FHIT: variants seen among roughly 807,000 people sequenced by gnomAD.
FHIT encodes the protein fragile histidine triad diadenosine triphosphatase.
A neutral mutation model predicts 17.9 loss-of-function variants in FHIT; 19 were observed. The observed-to-expected ratio is 1.06, with a 90% CI of 0.74 to 1.56. The LOEUF is 1.56. Ranked by LOEUF, FHIT falls within the 40% of genes most tolerant of loss-of-function variation. The pLI is 0.00. For missense variants in FHIT, 248 were observed against 189.2 expected, an observed-to-expected ratio of 1.31 and a Z score of -1.82; for synonymous variants, 81 against 69.7, an observed-to-expected ratio of 1.16 and a Z score of -0.81.
intron 4 of FHIT, among the ~76,000 whole-genome samples, chr3:60,794,189 CTATT>C (rs1486180136): frequency 2.0e-4 from 31 of 152,188 alleles, no homozygotes; most frequent in African/African-American, 7.5e-4. Context: ...TACTATGTAT[CTATT>C]TAAACATTCT....
chr3:61,105,863 C>T (rs2035974851), intron 2 of FHIT, among the ~76,000 whole-genome samples: 1 of 152,352 alleles, frequency 6.6e-6, no homozygotes, highest in South Asian at 2.1e-4. Context: ...AAGACGCTTT[C>T]AGCCTCCAGC....
At chr3:59,862,025 AC>A (rs906625366) in intron 8 of FHIT, among the ~76,000 whole-genome samples, 3 of 151,416 alleles carry the variant, frequency 2.0e-5, no homozygotes, top group African/African-American at 7.3e-5. Context: ...AAAAAAAAAA[AC>A]CTGTAACTGA....
At chr3:60,876,976 A>G (rs1167103318) in intron 3 of FHIT, among the ~76,000 whole-genome samples, 1 of 152,142 alleles carries the variant, frequency 6.6e-6, no homozygotes, top group African/African-American at 2.4e-5. Flanking sequence ...CTTTCCCTAT[A>G]GGAAAAAGGC....
intron 5 of FHIT, among the ~76,000 whole-genome samples, chr3:60,282,915 A>T (rs1707529913): frequency 1.3e-5 from 2 of 152,114 alleles, no homozygotes; most frequent in African/African-American, 4.8e-5. Context: ...TGGTTTCAGG[A>T]ATACAGAGCC....
At chr3:60,734,167 G>T (rs953613375) in intron 4 of FHIT, among the ~76,000 whole-genome samples, 3 of 106,496 alleles carry the variant, frequency 2.8e-5, no homozygotes, top group Non-Finnish European at 6.4e-5. Flanking sequence ...GCCTGTGACA[G>T]ACATCATTAA....
intron 8 of FHIT, among the ~76,000 whole-genome samples, chr3:59,867,429 CA>C (rs1168419442): frequency 6.6e-6 from 1 of 151,986 alleles, no homozygotes; most frequent in Admixed American, 6.5e-5. Flanking sequence ...AATGAAATCT[CA>C]AGACAGAAAT....
chr3:60,874,316 G>A (rs1329561037), intron 3 of FHIT, among the ~76,000 whole-genome samples: 1 of 152,160 alleles, frequency 6.6e-6, no homozygotes, highest in Non-Finnish European at 1.5e-5. Context: ...AAACAGTTCT[G>A]AAAAGGCTGT....
At chr3:60,515,918 T>A (rs1177261907) in intron 5 of FHIT, among the ~76,000 whole-genome samples, 1 of 152,146 alleles carries the variant, frequency 6.6e-6, no homozygotes, top group Non-Finnish European at 1.5e-5. Context: ...AAGCTTATAT[T>A]CCTCAGCCCA....
chr3:60,284,090 T>C (rs932402646), intron 5 of FHIT, among the ~76,000 whole-genome samples: 5 of 152,042 alleles, frequency 3.3e-5, no homozygotes, highest in African/African-American at 9.7e-5. Flanking sequence ...ATAGGTTTAG[T>C]AGAAAATATT....
intron 5 of FHIT, among the ~76,000 whole-genome samples, chr3:60,512,406 C>T (rs533711372): frequency 5.9e-5 from 9 of 152,330 alleles, no homozygotes; most frequent in Admixed American, 2.0e-4. Flanking sequence ...CCACATATGT[C>T]AGCTTACTTA....
chr3:60,154,318 G>A (rs1336192971), intron 5 of FHIT, among the ~76,000 whole-genome samples: 1 of 152,142 alleles, frequency 6.6e-6, no homozygotes, highest in African/African-American at 2.4e-5. Flanking sequence ...TCCTTAGTAG[G>A]TGGCTGATGA....
chr3:60,435,449 T>G (rs2030134834), intron 5 of FHIT, among the ~76,000 whole-genome samples: 3 of 152,118 alleles, frequency 2.0e-5, no homozygotes, highest in East Asian at 1.9e-4. Flanking sequence ...ATGATTTTTT[T>G]TTTTACCAGC....
chr3:60,728,993 A>G (rs1260026948), intron 4 of FHIT, among the ~76,000 whole-genome samples: 1 of 152,238 alleles, frequency 6.6e-6, no homozygotes, highest in African/African-American at 2.4e-5. Flanking sequence ...ACTCATTATC[A>G]GAGAGCAAGA....
At chr3:59,985,667 A>C (rs980678761) in intron 7 of FHIT, among the ~76,000 whole-genome samples, 1 of 152,130 alleles carries the variant, frequency 6.6e-6, no homozygotes, top group African/African-American at 2.4e-5. Flanking sequence ...TAAAGACTTA[A>C]ACAGAAAATT....
intron 7 of FHIT, among the ~76,000 whole-genome samples, chr3:59,973,422 C>T (rs1189699721): frequency 6.6e-6 from 1 of 152,088 alleles, no homozygotes; most frequent in Non-Finnish European, 1.5e-5. Context: ...TCTTCTGCCA[C>T]AGGCCCTCTG....
At chr3:60,048,815 G>C (rs1277845382) in intron 5 of FHIT, among the ~76,000 whole-genome samples, 1 of 152,194 alleles carries the variant, frequency 6.6e-6, no homozygotes, top group Non-Finnish European at 1.5e-5. Flanking sequence ...AACTGTGGTA[G>C]TAACCAGCAT....
At chr3:60,754,906 C>T (rs1553717918) in intron 4 of FHIT, among the ~76,000 whole-genome samples, 1 of 152,120 alleles carries the variant, frequency 6.6e-6, no homozygotes, top group Admixed American at 6.6e-5. Context: ...TTTCCTTCCT[C>T]TCAAGAAAGT....
chr3:59,968,494 A>T (rs1345134324), intron 7 of FHIT, among the ~76,000 whole-genome samples: 1 of 152,148 alleles, frequency 6.6e-6, no homozygotes, highest in Non-Finnish European at 1.5e-5. Context: ...TACCTTCAAG[A>T]TATCTCTTGC....
At chr3:61,182,091 A>C (rs1019382816) in intron 2 of FHIT, among the ~76,000 whole-genome samples, 3 of 152,202 alleles carry the variant, frequency 2.0e-5, no homozygotes, top group African/African-American at 7.2e-5. Context: ...AAGTGTAACC[A>C]TTAACTGAAA....
Sources: gnomAD v4.1 joint callset for allele counts (sites outside exome capture counted in the v4.1 genomes callset) on GRCh38, gnomAD v4.1.1 for gene constraint, MANE v1.5 for transcripts, NCBI Gene and HGNC (gene_info 2026-07-23, HGNC 2026-07-21) for gene names.